CTNNA3: variants seen among roughly 807,000 people sequenced by gnomAD.
CTNNA3 encodes catenin alpha 3, also known as catenin alpha-3.
CTNNA3 carries 76 observed loss-of-function variants against 95.7 expected under a neutral mutation model. The observed-to-expected ratio is 0.79, with a 90% CI of 0.66 to 0.96. The LOEUF (loss-of-function observed/expected upper bound fraction) is 0.96, where lower values mean the gene tolerates loss of function less well. Ranked by LOEUF, CTNNA3 falls within the 40% of genes least tolerant of loss-of-function variation. The pLI, the probability that CTNNA3 is intolerant of heterozygous loss-of-function variation, is 0.00. For synonymous variants in CTNNA3, 431 were observed against 374.4 expected, an observed-to-expected ratio of 1.15 and a Z score of -1.74; for missense variants, 1,191 against 1,089.8, an observed-to-expected ratio of 1.09 and a Z score of -1.31.
intron 7 of CTNNA3, among the ~76,000 whole-genome samples, chr10:66,953,068 G>T (rs1489653769): frequency 6.6e-6 from 1 of 152,092 alleles, no homozygotes; most frequent in East Asian, 1.9e-4. Flanking sequence ...CAACTCTAGT[G>T]TACAGAGAAA....
chr10:67,730,258 A>G (rs1270087804), intron 1 of CTNNA3, among the ~76,000 whole-genome samples: 1 of 152,164 alleles, frequency 6.6e-6, no homozygotes, highest in Non-Finnish European at 1.5e-5. Context: ...GATCAGATTC[A>G]GATGGCTTCC....
At chr10:67,366,090 G>A (rs1376375795) in intron 5 of CTNNA3, among the ~76,000 whole-genome samples, 1 of 152,146 alleles carries the variant, frequency 6.6e-6, no homozygotes, top group Non-Finnish European at 1.5e-5. Context: ...ATCATTCTAA[G>A]TCAACTATCA....
At chr10:66,755,134 G>A (rs986954007) in intron 9 of CTNNA3, among the ~76,000 whole-genome samples, 4 of 152,210 alleles carry the variant, frequency 2.6e-5, no homozygotes, top group Non-Finnish European at 2.9e-5. Flanking sequence ...GGCATAAGCC[G>A]GAATGAAGTA....
At chr10:66,084,030 G>C (rs774164373) in intron 14 of CTNNA3, among the ~76,000 whole-genome samples, 1 of 151,634 alleles carries the variant, frequency 6.6e-6, no homozygotes, top group Non-Finnish European at 1.5e-5. Flanking sequence ...AGCTATTCGG[G>C]AGGCTGAGAC....
At chr10:66,300,953 G>C (rs2091853921) in intron 12 of CTNNA3, among the ~76,000 whole-genome samples, 1 of 151,804 alleles carries the variant, frequency 6.6e-6, no homozygotes, top group Non-Finnish European at 1.5e-5. Context: ...AAAAAAAAGA[G>C]AGAAGATACA....
Position 66,679,569 on chromosome 10 carries a change from C to T in CTNNA3, c.1282-57785G>A, listed in dbSNP as rs115210087. 4.7e-3 allele frequency among the ~76,000 whole-genome samples: 713 copies of T among 152,262 alleles called. 5 individuals are homozygous for T. Among genetic ancestry groups the T allele is most frequent in the African/African-American group, 0.016 (673 of 41,554 alleles). On this transcript the variant is annotated intron_variant, in intron 9 of 17. Transcript: ENST00000433211. ...GATGGGTGTGATTACTTCAGCATGC[C>T]TTGCCTGAGGAACTTCATTCCACTC...
At chr10:67,502,903 C>T (rs1236043660) in intron 5 of CTNNA3, among the ~76,000 whole-genome samples, 1 of 152,202 alleles carries the variant, frequency 6.6e-6, no homozygotes, top group East Asian at 1.9e-4. Context: ...GCTTGTTGGG[C>T]TCTGTTGGGG....
At chr10:67,121,778 A>G (rs1022822420) in intron 7 of CTNNA3, among the ~76,000 whole-genome samples, 2 of 151,908 alleles carry the variant, frequency 1.3e-5, no homozygotes, top group African/African-American at 4.8e-5. Flanking sequence ...AGCAGTGTAA[A>G]CTGAGGTAAG....
chr10:66,764,689 T>C (rs1392129215), intron 9 of CTNNA3, among the ~76,000 whole-genome samples: 5 of 152,212 alleles, frequency 3.3e-5, no homozygotes, highest in Admixed American at 3.3e-4. Flanking sequence ...TTTATGACTG[T>C]CAGGGACTGT....
intron 7 of CTNNA3, among the ~76,000 whole-genome samples, chr10:67,002,790 A>G (rs1344852301): frequency 6.6e-6 from 1 of 152,158 alleles, no homozygotes; most frequent in Admixed American, 6.5e-5. Flanking sequence ...TGGGTTAAAT[A>G]AACACAATTA....
chr10:67,745,655 TATA>T (rs979688016), intron 1 of CTNNA3, among the ~76,000 whole-genome samples: 10 of 151,538 alleles, frequency 6.6e-5, no homozygotes, highest in African/African-American at 1.9e-4. Context: ...AAACTTAAAG[TATA>T]ATAATAATAA....
At chr10:67,256,619 G>T (rs894984714) in intron 5 of CTNNA3, among the ~76,000 whole-genome samples, 1 of 152,126 alleles carries the variant, frequency 6.6e-6, no homozygotes, top group Admixed American at 6.6e-5. Flanking sequence ...CATAAGATGG[G>T]ATGATCTAGA....
chr10:67,024,639 G>C (rs1410105484), intron 7 of CTNNA3, among the ~76,000 whole-genome samples: 2 of 152,010 alleles, frequency 1.3e-5, no homozygotes, highest in African/African-American at 4.8e-5. Context: ...TATGCAAATG[G>C]GTGTAACCAG....
intron 5 of CTNNA3, among the ~76,000 whole-genome samples, chr10:67,251,638 G>A (rs1367774420): frequency 2.6e-5 from 4 of 152,142 alleles, no homozygotes. Context: ...GGAAGAAGAG[G>A]AAGTCAAGAT....
At chr10:66,124,809 A>C (rs1960622) in intron 13 of CTNNA3, among the ~76,000 whole-genome samples, 2 of 151,930 alleles carry the variant, frequency 1.3e-5, no homozygotes, top group African/African-American at 4.8e-5. Flanking sequence ...TCACTATCAC[A>C]AGAACAGCAC....
At chr10:67,391,591 C>T (rs1328048116) in intron 5 of CTNNA3, among the ~76,000 whole-genome samples, 7 of 151,630 alleles carry the variant, frequency 4.6e-5, no homozygotes, top group Non-Finnish European at 8.8e-5. Flanking sequence ...GAGCCCACAT[C>T]GCCAAGGCAA....
chr10:66,293,170 A>G (rs2091715062), intron 12 of CTNNA3, among the ~76,000 whole-genome samples: 1 of 152,192 alleles, frequency 6.6e-6, no homozygotes, highest in Non-Finnish European at 1.5e-5. Flanking sequence ...TTGTCCTATA[A>G]AGCTTTTAAA....
rs187364162 is a variant in CTNNA3 at position 66,357,096 on chromosome 10, C to A, written c.1732+22056G>T. On this transcript the variant is annotated intron_variant, in intron 12 of 17. Transcript: ENST00000433211. ...TTCTAATGTCTTTGTTTAGTTTGAT[C>A]CCTCGGGTATTACTGGCCTACTGAA... Among the ~76,000 whole-genome samples, 36 of 152,084 alleles carry A rather than the reference C, an allele frequency of 2.4e-4. No individual in the cohort carries two copies. In the East Asian group the frequency reaches 6.4e-3, roughly 27 times the overall value.
intron 7 of CTNNA3, among the ~76,000 whole-genome samples, chr10:67,075,905 G>A (rs1856723244): frequency 6.6e-6 from 1 of 152,218 alleles, no homozygotes; most frequent in African/African-American, 2.4e-5. Flanking sequence ...GTGGAGCATG[G>A]AAAGAATCCA....
Sources: gnomAD v4.1 joint callset for allele counts (sites outside exome capture counted in the v4.1 genomes callset) on GRCh38, gnomAD v4.1.1 for gene constraint, MANE v1.5 for transcripts, NCBI Gene and HGNC (gene_info 2026-07-23, HGNC 2026-07-21) for gene names.